ROBO1: variants seen among roughly 807,000 people sequenced by gnomAD.
ROBO1 encodes roundabout homolog 1.
Under a neutral mutation model 195.9 loss-of-function variants are expected in ROBO1, and 149 were observed. The ratio of observed to expected loss-of-function variants is 0.76; its 90% confidence interval spans 0.67 to 0.87. The LOEUF is 0.87. Among genes scored for constraint, ROBO1 ranks in the 40% least tolerant of loss-of-function variants. ROBO1 has a pLI of 0.00. For synonymous variants in ROBO1, 816 were observed against 733.2 expected (o/e 1.11, Z -1.82); for missense variants, 1,933 against 2,068.3 (o/e 0.93, Z 1.27).
intron 2 of ROBO1, among the ~76,000 whole-genome samples, chr3:79,588,107 A>T (rs1227980476): frequency 6.6e-6 from 1 of 151,708 alleles, no homozygotes; most frequent in Non-Finnish European, 1.5e-5. Flanking sequence ...TGATAACCAA[A>T]CTATCACCTT....
At chr3:79,028,697 A>T (rs1184422628) in intron 3 of ROBO1, among the ~76,000 whole-genome samples, 1 of 151,984 alleles carries the variant, frequency 6.6e-6, no homozygotes, top group Non-Finnish European at 1.5e-5. Context: ...GAACCAACAT[A>T]TGTAAGAGTA....
At chr3:79,652,260 A>C (rs1946032693) in intron 1 of ROBO1, among the ~76,000 whole-genome samples, 1 of 152,104 alleles carries the variant, frequency 6.6e-6, no homozygotes, top group Admixed American at 6.6e-5. Context: ...CGCTTACATC[A>C]ATGATTGAGG....
intron 11 of ROBO1, 147 bp downstream of exon 11, chr3:78,669,949 A>G (rs1707966259): frequency 9.8e-6 from 6 of 612,594 alleles, no homozygotes; most frequent in Non-Finnish European, 1.6e-5. Context: ...GAAATATCTG[A>G]AAAAAATAAA....
chr3:78,608,480 T>G (rs1235776394), intron 28 of ROBO1, among the ~76,000 whole-genome samples: 1 of 152,164 alleles, frequency 6.6e-6, no homozygotes, highest in East Asian at 1.9e-4. Flanking sequence ...TAGAAAAAAT[T>G]TTTTTAATCA....
chr3:79,140,666 C>T (rs114260992), intron 2 of ROBO1, among the ~76,000 whole-genome samples: 87 of 152,182 alleles, frequency 5.7e-4, no homozygotes, highest in African/African-American at 2.0e-3. Context: ...ACATATTTGC[C>T]TCCTGCAATG....
At chr3:78,727,034 A>G (rs533166196) in intron 5 of ROBO1, among the ~76,000 whole-genome samples, 40 of 152,296 alleles carry the variant, frequency 2.6e-4, no homozygotes, top group African/African-American at 8.4e-4. Context: ...TAGACAGTTC[A>G]GATTAAAACA....
At chr3:78,651,702 A>G in intron 19 of ROBO1, 30 bp downstream of exon 19, 1 of 1,490,378 alleles carries the variant, frequency 6.7e-7, no homozygotes, top group Non-Finnish European at 9.0e-7. Context: ...TATAAACATT[A>G]AAATATGAAA....
At chr3:78,886,792 A>G (rs1390347339) in intron 4 of ROBO1, among the ~76,000 whole-genome samples, 1 of 152,162 alleles carries the variant, frequency 6.6e-6, no homozygotes, top group African/African-American at 2.4e-5. Context: ...CAAAGATAAA[A>G]AACCATTAAA....
intron 2 of ROBO1, among the ~76,000 whole-genome samples, chr3:79,547,761 G>A (rs969963772): frequency 6.6e-6 from 1 of 152,228 alleles, no homozygotes; most frequent in East Asian, 1.9e-4. Flanking sequence ...TGTTAGGATT[G>A]TGGGAATCCA....
rs992234121 is a variant in ROBO1 at position 78,651,890 on chromosome 3, C to T, written c.2654G>A (p.Ser885Asn). 3.7e-6 allele frequency: 6 copies of T among 1,613,524 alleles called. No homozygotes were observed. The African/African-American group carries it at 8.0e-5, about 22-fold the overall frequency. The change falls in exon 19 of 31, where the codon AGC becomes AAC. Residue 885 changes from serine to asparagine, a missense_variant. Physicochemically the swap from Ser to Asn is conservative, Grantham distance 46 (BLOSUM62 1). Transcript: ENST00000464233. The stretch of plus-strand genomic sequence containing the variant: ...CACATCTGAAATCTGCTGAGCGAGG[C>T]TGACTTGGTCCTCAGGTGACACAGG... ...GNPVSPEDQVSLAQQISDVVK... is the reference protein window; with the variant it reads ...GNPVSPEDQVNLAQQISDVVK...
intron 2 of ROBO1, among the ~76,000 whole-genome samples, chr3:79,441,716 G>T (rs2039060618): frequency 6.6e-6 from 1 of 151,740 alleles, no homozygotes; most frequent in African/African-American, 2.4e-5. Flanking sequence ...TGTGTCAAAG[G>T]AAAAAAACGA....
intron 2 of ROBO1, among the ~76,000 whole-genome samples, chr3:79,456,328 A>G (rs2039618201): frequency 1.3e-5 from 2 of 152,150 alleles, no homozygotes; most frequent in Admixed American, 1.3e-4. Flanking sequence ...CCTAACATCA[A>G]GCCTAACTCA....
chr3:79,588,191 A>G lies in ROBO1; in HGVS notation c.88+1633T>C, dbSNP rs185783103. On this transcript the variant is annotated intron_variant, in intron 2 of 30. Coordinates refer to ENST00000464233, the MANE Select transcript of ROBO1 (RefSeq NM_002941.4). ...ATTTACAAGTATTTGCATGTAAAAT[A>G]GTAATGACAGAGGTTTGACAGCTTT... Among the ~76,000 whole-genome samples the G allele has an allele frequency of 3.3e-5, 5 of 151,920 alleles. No homozygotes were observed. The East Asian group carries it at 7.7e-4, about 24-fold the overall frequency.
intron 1 of ROBO1, among the ~76,000 whole-genome samples, chr3:79,597,910 T>C (rs1328484642): frequency 6.6e-6 from 1 of 152,082 alleles, no homozygotes; most frequent in Non-Finnish European, 1.5e-5. Flanking sequence ...TGTCACCTCA[T>C]TTCTTGAAGA....
chr3:78,721,936 T>C (rs1004375625), intron 5 of ROBO1, among the ~76,000 whole-genome samples: 1 of 151,972 alleles, frequency 6.6e-6, no homozygotes, highest in Non-Finnish European at 1.5e-5. Context: ...TTAACAAGAG[T>C]AATGAGGGCA....
At chr3:79,739,873 T>C (rs960593081) in intron 1 of ROBO1, among the ~76,000 whole-genome samples, 3 of 152,108 alleles carry the variant, frequency 2.0e-5, no homozygotes, top group African/African-American at 7.2e-5. Flanking sequence ...TCAGAGCAAA[T>C]TGGTTTTACT....
Position 78,714,540 on chromosome 3 carries a change from A to T in ROBO1, c.918-16T>A. The T allele has an allele frequency of 6.2e-7, 1 of 1,604,982 alleles. No individual in the cohort carries two copies. On this transcript the variant is annotated splice_polypyrimidine_tract_variant and intron_variant, in intron 7 of 30. Coordinates refer to ENST00000464233, the MANE Select transcript of ROBO1 (RefSeq NM_002941.4). ...GATTTCATATCTAATGACATAACAAAAGAAAGCACAGTTAAGTGACTTTCT... is the reference window on the plus strand; with the variant it reads ...GATTTCATATCTAATGACATAACAATAGAAAGCACAGTTAAGTGACTTTCT...
intron 3 of ROBO1, among the ~76,000 whole-genome samples, chr3:79,052,898 T>A (rs994244974): frequency 6.6e-5 from 10 of 152,036 alleles, no homozygotes; most frequent in African/African-American, 2.4e-5. Context: ...CCGGGTTAAC[T>A]ATGGGTCACA....
At chr3:79,490,840 G>A (rs568417367) in intron 2 of ROBO1, among the ~76,000 whole-genome samples, 9 of 152,162 alleles carry the variant, frequency 5.9e-5, no homozygotes, top group Admixed American at 5.9e-4. Flanking sequence ...TTTTAGCTGA[G>A]ACCTTCTTTA....
Sources: gnomAD v4.1 joint callset for allele counts (sites outside exome capture counted in the v4.1 genomes callset) on GRCh38, gnomAD v4.1.1 for gene constraint, MANE v1.5 for transcripts, NCBI Gene and HGNC (gene_info 2026-07-23, HGNC 2026-07-21) for gene names.